Variants in LSM4 observed in about 807,000 individuals in gnomAD.
The protein encoded by LSM4 is LSM4 homolog, U6 small nuclear RNA and mRNA degradation associated, also known as U6 snRNA-associated Sm-like protein LSm4.
LSM4 carries 15 observed loss-of-function variants against 22.3 expected under a neutral mutation model. The ratio of observed to expected loss-of-function variants is 0.67; its 90% CI spans 0.45 to 1.03. The LOEUF (loss-of-function observed/expected upper bound fraction) is 1.03, where lower values mean the gene tolerates loss of function less well. Ranked by LOEUF, LSM4 falls within the 50% of genes least tolerant of loss-of-function variation. The pLI, the probability that LSM4 is intolerant of heterozygous loss-of-function variation, is 0.00. For missense variants in LSM4, 127 were observed against 198.0 expected, an observed-to-expected ratio of 0.64 and a Z score of 2.15; for synonymous variants, 90 against 79.8, an observed-to-expected ratio of 1.13 and a Z score of -0.68.
At position 18,316,030 on chromosome 19, in the gene LSM4, G is replaced by A. The variant is rs142711541; in HGVS notation, c.39C>T (p.His13=). 1.9e-6 allele frequency: 3 copies of A among 1,613,476 alleles called. No individual in the cohort carries two copies. Among genetic ancestry groups the A allele is most frequent in the Non-Finnish European group, 2.5e-6 (3 of 1,179,756 alleles). Residue 13 remains histidine (H), a synonymous_variant, in exon 2 of 5, where the codon CAC becomes CAT. Transcript: ENST00000593829. ...CAGACCACTGAGTACTCACCATGGG[G>A]TGATTCTGAGCCGTCTTCAGCAGTG... The part of the protein sequence containing the change: ...PLSLLKTAQN[H]PMLVELKNGE...
chr19:18,309,039 C>A (rs1264976983), intron 4 of LSM4, among the ~76,000 whole-genome samples: 1 of 151,688 alleles, frequency 6.6e-6, no homozygotes, highest in Non-Finnish European at 1.5e-5. Context: ...ATCCCCAAAG[C>A]TCCCTGCCTG....
chr19:18,320,959 C>T (rs940412986), intron 1 of LSM4, among the ~76,000 whole-genome samples: 3 of 152,162 alleles, frequency 2.0e-5, no homozygotes, highest in Non-Finnish European at 4.4e-5. Flanking sequence ...TCTAGATCCA[C>T]GAGGACCTAA....
In LSM4 at chr19:18,316,057, C is replaced by G. The variant is rs750782945; in HGVS notation, c.12G>C (p.Leu4Phe). 1 of 1,613,636 alleles carries G rather than the reference C, an allele frequency of 6.2e-7. No homozygotes were observed. The highest frequency in any genetic ancestry group is 1.3e-5 in the African/African-American group (1 of 74,984). ...GATTCTGAGCCGTCTTCAGCAGTGACAAGGGAAGCTGAAAGGCAAATAAAG... is the reference window on the plus strand; with the variant it reads ...GATTCTGAGCCGTCTTCAGCAGTGAGAAGGGAAGCTGAAAGGCAAATAAAG... MLP[L>F]SLLKTAQNHP... The change falls in exon 2 of 5, where the codon TTG becomes TTC. Residue 4 changes from leucine (L) to phenylalanine (F), a missense_variant. Physicochemically the swap from Leu to Phe is conservative, Grantham distance 22. Transcript: ENST00000593829.
At chr19:18,322,319 G>T (rs529781774) in intron 1 of LSM4, among the ~76,000 whole-genome samples, 1 of 152,120 alleles carries the variant, frequency 6.6e-6, no homozygotes, top group African/African-American at 2.4e-5. Flanking sequence ...CTGCACAGTG[G>T]GGGACACGGG....
intron 1 of LSM4, among the ~76,000 whole-genome samples, chr19:18,319,103 G>C (rs950867879): frequency 6.6e-6 from 1 of 151,898 alleles, no homozygotes; most frequent in Non-Finnish European, 1.5e-5. Context: ...TTAGCTGGGC[G>C]TGGTGGTAGG....
At chr19:18,311,745 C>A (rs1445598404) in intron 3 of LSM4, among the ~76,000 whole-genome samples, 1 of 152,174 alleles carries the variant, frequency 6.6e-6, no homozygotes, top group Non-Finnish European at 1.5e-5. Context: ...AGCCTCACCA[C>A]CTGTCCCCAC....
intron 1 of LSM4, among the ~76,000 whole-genome samples, chr19:18,318,873 G>A (rs1970388937): frequency 6.6e-6 from 1 of 152,244 alleles, no homozygotes; most frequent in African/African-American, 2.4e-5. Flanking sequence ...AGCACAGCCT[G>A]GGAGGACCCA....
At chr19:18,313,778 G>C (rs1325243184) in intron 2 of LSM4, among the ~76,000 whole-genome samples, 3 of 151,908 alleles carry the variant, frequency 2.0e-5, no homozygotes, top group Admixed American at 6.6e-5. Flanking sequence ...GGCCTCCCGG[G>C]GTGCTGGGAT....
intron 4 of LSM4, chr19:18,309,170 C>G (rs1970268792): frequency 6.5e-6 from 1 of 154,154 alleles, no homozygotes; most frequent in South Asian, 2.0e-4. Context: ...AGGCTGGCAC[C>G]TGAGCCCAGC....
chr19:18,307,551 C>G lies in LSM4; in HGVS notation c.333G>C (p.Val111=). ...GRGMGGAGRG[V]FGGRGRGGIP... ...TCCCACCTCGGCCCCGGCCACCAAA[C>G]ACACCTAGAGGACAGAGAGAGGGCG... The change falls in exon 5 of 5, where the codon GTG becomes GTC. Residue 111 remains valine (V), a synonymous_variant. Transcript: ENST00000593829. 1 of 1,536,970 alleles carries G rather than the reference C, an allele frequency of 6.5e-7. No homozygotes were observed.
intron 1 of LSM4, 21 bp downstream of exon 1, chr19:18,322,997 C>A: frequency 6.3e-7 from 1 of 1,591,728 alleles, no homozygotes; most frequent in East Asian, 2.3e-5. Context: ...CGGTGAGACC[C>A]CGCAGTTGCC....
intron 4 of LSM4, among the ~76,000 whole-genome samples, chr19:18,307,764 C>T (rs1176088387): frequency 7.1e-6 from 1 of 140,364 alleles, no homozygotes; most frequent in Non-Finnish European, 1.5e-5. Flanking sequence ...CATTATGGGA[C>T]TAGACCCAGC....
intron 4 of LSM4, among the ~76,000 whole-genome samples, chr19:18,307,804 C>T (rs1041997128): frequency 2.0e-5 from 3 of 150,960 alleles, no homozygotes; most frequent in East Asian, 3.9e-4. Flanking sequence ...GGGGACTAGG[C>T]GACAGAGGAC....
chr19:18,315,106 C>G (rs549905942), intron 2 of LSM4, among the ~76,000 whole-genome samples: 108 of 151,980 alleles, frequency 7.1e-4, no homozygotes, highest in Admixed American at 2.8e-3. Context: ...AGGATGGTCT[C>G]GATCTCCTGA....
chr19:18,317,863 C>T (rs894464298), intron 1 of LSM4, among the ~76,000 whole-genome samples: 1 of 152,084 alleles, frequency 6.6e-6, no homozygotes, highest in Non-Finnish European at 1.5e-5. Flanking sequence ...TACTGAATTT[C>T]TTTATTATGT....
chr19:18,315,179 A>G (rs1338651532), intron 2 of LSM4, among the ~76,000 whole-genome samples: 2 of 151,898 alleles, frequency 1.3e-5, no homozygotes, highest in Non-Finnish European at 2.9e-5. Flanking sequence ...CGCCCGGCCA[A>G]TATTATCATT....
At chr19:18,320,501 T>C (rs943726654) in intron 1 of LSM4, among the ~76,000 whole-genome samples, 19 of 151,868 alleles carry the variant, frequency 1.3e-4, no homozygotes, top group Non-Finnish European at 2.4e-4. Context: ...ATCTCAGCTC[T>C]GAAAAACAAA....
chr19:18,315,993 A>G, intron 2 of LSM4, 31 bp downstream of exon 2: 1 of 1,609,356 alleles, frequency 6.2e-7, no homozygotes, highest in Non-Finnish European at 8.5e-7. Context: ...CCCCCTCTCA[A>G]ACAGGCTTTC....
chr19:18,309,660 T>A lies in LSM4; in HGVS notation c.328+18A>T. On this transcript the variant is annotated intron_variant, in intron 4 of 4. Transcript: ENST00000593829. ...GTCTTCCCGCCCCAGGTACGTCCAC[T>A]GGAGAGGGGAGACCCACCTCGGCCA... The A allele has an allele frequency of 6.3e-7, 1 of 1,575,944 alleles. No homozygotes were observed. The highest frequency in any genetic ancestry group is 1.1e-5 in the South Asian group (1 of 87,178).
Sources: gnomAD v4.1 joint callset for allele counts (sites outside exome capture counted in the v4.1 genomes callset) on GRCh38, gnomAD v4.1.1 for gene constraint, MANE v1.5 for transcripts, NCBI Gene and HGNC (gene_info 2026-07-23, HGNC 2026-07-21) for gene names.